The following MEGF9 variants were observed in gnomAD, a reference collection of about 807,000 sequenced individuals.
The protein encoded by MEGF9 is multiple epidermal growth factor-like domains protein 9.
MEGF9 carries 6 observed loss-of-function variants against 46.8 expected under a neutral mutation model. The observed-to-expected ratio is 0.13, with a 90% CI of 0.07 to 0.25. MEGF9 has a LOEUF of 0.25. Ranked by LOEUF, MEGF9 falls within the 10% of genes least tolerant of loss-of-function variation. The pLI is 1.00. For missense variants in MEGF9, 683 were observed against 792.4 expected, an observed-to-expected ratio of 0.86 and a Z score of 1.66; for synonymous variants, 302 against 330.7, an observed-to-expected ratio of 0.91 and a Z score of 0.94.
chr9:120,612,169 G>T (rs2043450488), intron 4 of MEGF9, among the ~76,000 whole-genome samples: 1 of 152,154 alleles, frequency 6.6e-6, no homozygotes, highest in Non-Finnish European at 1.5e-5. Context: ...GCTCAGTCTT[G>T]AAGTTCCTGC....
At chr9:120,645,376 A>G (rs1221452322) in intron 2 of MEGF9, among the ~76,000 whole-genome samples, 1 of 152,224 alleles carries the variant, frequency 6.6e-6, no homozygotes, top group African/African-American at 2.4e-5. Context: ...TCCCTTAAAG[A>G]ATCACTGCTG....
intron 1 of MEGF9, among the ~76,000 whole-genome samples, chr9:120,711,589 T>C (rs2132348480): frequency 6.6e-6 from 1 of 152,184 alleles, no homozygotes; most frequent in East Asian, 1.9e-4. Flanking sequence ...TTGTTTATAT[T>C]TTTTTGCCAG....
chr9:120,645,439 T>A (rs1436564530), intron 2 of MEGF9, among the ~76,000 whole-genome samples: 1 of 152,194 alleles, frequency 6.6e-6, no homozygotes, highest in Non-Finnish European at 1.5e-5. Context: ...TGAGCAAGCA[T>A]CATCCATCCA....
chr9:120,679,620 T>C (rs1436616622), intron 1 of MEGF9, among the ~76,000 whole-genome samples: 1 of 151,678 alleles, frequency 6.6e-6, no homozygotes, highest in African/African-American at 2.4e-5. Context: ...ACTTAAAGTA[T>C]AATTTAAAAA....
Position 120,602,622 on chromosome 9 carries a change from T to C in MEGF9, c.*2568A>G, listed in dbSNP as rs2043402086. ...CTTTCTTTGTGATTCAATTTTTCAA[T>C]ACCTTTTAAGGTCTGTTTCAAGGAA... On this transcript the variant is annotated 3_prime_UTR_variant, in exon 6 of 6. Transcript: ENST00000373930. The C allele has an allele frequency of 6.6e-6, 1 of 152,214 alleles. No homozygotes were observed. The allele number at this position is 152,214 out of a possible 1,614,324, so 9.4% of individuals were successfully genotyped here.
At chr9:120,615,298 TAC>T (rs747662443) in intron 3 of MEGF9, among the ~76,000 whole-genome samples, 598 of 146,130 alleles carry the variant, frequency 4.1e-3, no homozygotes, top group Non-Finnish European at 6.0e-3. Context: ...CATGTGTGTG[TAC>T]ACACACACAC....
At chr9:120,679,569 C>T (rs1307276396) in intron 1 of MEGF9, among the ~76,000 whole-genome samples, 1 of 151,966 alleles carries the variant, frequency 6.6e-6, no homozygotes, top group Non-Finnish European at 1.5e-5. Flanking sequence ...CACATGTATA[C>T]ATATGTGACA....
intron 2 of MEGF9, among the ~76,000 whole-genome samples, chr9:120,624,713 A>G (rs567918873): frequency 5.3e-5 from 8 of 152,036 alleles, no homozygotes; most frequent in Admixed American, 5.2e-4. Context: ...GTCTCTACCA[A>G]AAATACAAAA....
chr9:120,713,779 C>G lies in MEGF9; in HGVS notation c.580G>C (p.Ala194Pro). 7.7e-7 allele frequency: 1 copy of G among 1,293,962 alleles called. No homozygotes were observed. Among genetic ancestry groups the G allele is most frequent in the East Asian group, 2.8e-5 (1 of 35,496 alleles). 80.2% of individuals were successfully genotyped at this position (1,293,962 alleles called of 1,614,324 possible). A position where few individuals can be genotyped will look rare whatever the true frequency, so the allele number is the denominator to read the frequency against. ...TCACCTGGAGGAGGCGAAGAGGGGGCCTCGGTGGCAGGTGGGGTGGGGAGG... is the reference window on the plus strand; with the variant it reads ...TCACCTGGAGGAGGCGAAGAGGGGGGCTCGGTGGCAGGTGGGGTGGGGAGG... ...SVLPTPPATE[A>P]PSSPPPEYVC... The change falls in exon 1 of 6, where the codon GCC becomes CCC. Residue 194 changes from alanine (A) to proline (P), a missense_variant. Physicochemically the swap from Ala to Pro is conservative, Grantham distance 27. Transcript: ENST00000373930.
At chr9:120,611,439 T>G (rs1416131237) in intron 4 of MEGF9, among the ~76,000 whole-genome samples, 2 of 152,092 alleles carry the variant, frequency 1.3e-5, no homozygotes, top group African/African-American at 4.8e-5. Flanking sequence ...CTGAGACATG[T>G]TATAACATGA....
chr9:120,651,741 C>T (rs1211668651), intron 2 of MEGF9, among the ~76,000 whole-genome samples: 2 of 151,446 alleles, frequency 1.3e-5, no homozygotes, highest in East Asian at 3.9e-4. Flanking sequence ...CAACCTCCGC[C>T]TCCCCGGTTC....
At chr9:120,708,280 A>C (rs1305936508) in intron 1 of MEGF9, among the ~76,000 whole-genome samples, 2 of 151,262 alleles carry the variant, frequency 1.3e-5, no homozygotes, top group African/African-American at 4.9e-5. Flanking sequence ...CAGGAGAATC[A>C]CTTGAACCGG....
At chr9:120,690,332 G>A (rs1412778384) in intron 1 of MEGF9, among the ~76,000 whole-genome samples, 1 of 152,086 alleles carries the variant, frequency 6.6e-6, no homozygotes, top group Non-Finnish European at 1.5e-5. Context: ...CAGAGACCAA[G>A]AAAGCAATGA....
At chr9:120,661,115 C>T (rs1248816866) in intron 1 of MEGF9, among the ~76,000 whole-genome samples, 1 of 152,170 alleles carries the variant, frequency 6.6e-6, no homozygotes, top group Non-Finnish European at 1.5e-5. Flanking sequence ...CAAAGAAATT[C>T]CCACTTGGCC....
At chr9:120,627,712 C>T (rs573479084) in intron 2 of MEGF9, among the ~76,000 whole-genome samples, 15 of 152,234 alleles carry the variant, frequency 9.9e-5, no homozygotes, top group Non-Finnish European at 1.5e-4. Flanking sequence ...ATCCACCCGC[C>T]TGGGCTTCCC....
chr9:120,678,694 G>T (rs542173468), intron 1 of MEGF9, among the ~76,000 whole-genome samples: 2 of 152,220 alleles, frequency 1.3e-5, no homozygotes, highest in East Asian at 3.9e-4. Flanking sequence ...TGCTGGTCTC[G>T]AACTCCTGGC....
chr9:120,656,724 C>A (rs571237038), intron 2 of MEGF9, among the ~76,000 whole-genome samples: 5 of 152,122 alleles, frequency 3.3e-5, no homozygotes, highest in African/African-American at 1.2e-4. Flanking sequence ...GACAAAACAA[C>A]TTTATGCAGG....
At chr9:120,652,384 G>C in intron 2 of MEGF9, among the ~76,000 whole-genome samples, 1 of 150,050 alleles carries the variant, frequency 6.7e-6, no homozygotes, top group South Asian at 2.1e-4. Context: ...GGCTGAGGTG[G>C]GAGGATCCAT....
chr9:120,641,104 A>T (rs191962807), intron 2 of MEGF9, among the ~76,000 whole-genome samples: 2 of 152,292 alleles, frequency 1.3e-5, no homozygotes, highest in South Asian at 2.1e-4. Flanking sequence ...TATCCATTCT[A>T]CAATTTATGG....
Sources: gnomAD v4.1 joint callset for allele counts (sites outside exome capture counted in the v4.1 genomes callset) on GRCh38, gnomAD v4.1.1 for gene constraint, MANE v1.5 for transcripts, NCBI Gene and HGNC (gene_info 2026-07-23, HGNC 2026-07-21) for gene names.